The following FOXJ2 variants were observed in gnomAD, a reference collection of about 807,000 sequenced individuals.
FOXJ2 encodes the protein forkhead box protein J2.
Under a neutral mutation model 68.4 loss-of-function variants are expected in FOXJ2, and 18 were observed. That is an observed-to-expected ratio of 0.26 (90% confidence interval 0.18 to 0.39). FOXJ2 has a LOEUF of 0.39. Among genes scored for constraint, FOXJ2 ranks in the 10% least tolerant of loss-of-function variants. The pLI, the probability that FOXJ2 is intolerant of heterozygous loss-of-function variation, is 1.00. For synonymous variants in FOXJ2, 274 were observed against 263.2 expected (o/e 1.04, Z -0.40); for missense variants, 670 against 726.5 (o/e 0.92, Z 0.89).
intron 8 of FOXJ2, 135 bp from the exon 9 acceptor site, chr12:8,049,227 A>G (rs754931797): frequency 4.3e-6 from 3 of 692,544 alleles, no homozygotes; most frequent in Admixed American, 2.6e-5. Flanking sequence ...GCTCTGAAAG[A>G]TATAAATTGT....
At chr12:8,052,640 A>G (rs958834094) in intron 10 of FOXJ2, 122 bp from the exon 11 acceptor site, 1 of 729,268 alleles carries the variant, frequency 1.4e-6, no homozygotes, top group Non-Finnish European at 2.3e-6. Context: ...TCCAGCTGAT[A>G]AGGGCGATAG....
Position 8,048,168 on chromosome 12 carries a change from C to T in FOXJ2, c.1104C>T (p.Pro368=). The T allele has an allele frequency of 6.2e-7, 1 of 1,613,946 alleles. No homozygotes were observed. The highest frequency in any genetic ancestry group is 8.5e-7 in the Non-Finnish European group (1 of 1,179,938). ...GPPPVMAMHP[P]PLQHGGYHPH... is the part of the protein sequence containing the mutation. ...CCCCTGTAATGGCCATGCATCCACC[C>T]CCGCTGCAGCATGGAGGCTACCACC... is the stretch of plus-strand genomic sequence containing the variant. The change falls in exon 7 of 11, where the codon CCC becomes CCT. Residue 368 remains proline (P), a synonymous_variant. Coordinates refer to ENST00000162391, the MANE Select transcript of FOXJ2 (RefSeq NM_018416.3).
intron 3 of FOXJ2, 149 bp downstream of exon 3, chr12:8,042,881 G>T: frequency 1.4e-6 from 1 of 705,602 alleles, no homozygotes; most frequent in Admixed American, 2.6e-5. Context: ...GAGGAAGCTT[G>T]GTTGTCAAGC....
At chr12:8,036,635 T>C (rs1324742783) in intron 1 of FOXJ2, among the ~76,000 whole-genome samples, 4 of 152,382 alleles carry the variant, frequency 2.6e-5, no homozygotes, top group Non-Finnish European at 2.9e-5. Context: ...GCCTTTCTAA[T>C]AATAGCCCTG....
Position 8,035,169 on chromosome 12 carries a change from T to C in FOXJ2, c.-15+1336T>C, listed in dbSNP as rs1314171556. ...CAACATGCATATACTTCTTAATTCATGTGAATGTGGCTCTCTGTTTCAAGT... is the reference window on the plus strand; with the variant it reads ...CAACATGCATATACTTCTTAATTCACGTGAATGTGGCTCTCTGTTTCAAGT... On this transcript the variant is annotated intron_variant, in intron 1 of 10. Transcript: ENST00000162391. This position sits in a 1 kb window ranked among gnomAD's most constrained non-coding sequence, Gnocchi z 4.0. 6.6e-6 allele frequency among the ~76,000 whole-genome samples: 1 copy of C among 152,216 alleles called. No homozygotes were observed. The highest frequency in any genetic ancestry group is 1.5e-5 in the Non-Finnish European group (1 of 68,038).
rs1425045777 is a variant in FOXJ2 at position 8,050,260 on chromosome 12, G to A, written c.1538-262G>A. On this transcript the variant is annotated intron_variant, in intron 9 of 10. Transcript: ENST00000162391. ...CAAAGTGTTGGGATTACAGGCATGA[G>A]CCACCATACCTGGCCCTGTGTTTCT... 3.6e-6 allele frequency: 4 copies of A among 1,119,104 alleles called. No individual in the cohort carries two copies. The African/African-American group carries it at 4.9e-5, about 14-fold the overall frequency. The allele number at this position is 1,119,104 out of a possible 1,614,324, so 69.3% of individuals were successfully genotyped here.
At chr12:8,046,047 A>G (rs1193398659) in intron 6 of FOXJ2, among the ~76,000 whole-genome samples, 1 of 152,236 alleles carries the variant, frequency 6.6e-6, no homozygotes, top group African/African-American at 2.4e-5. Context: ...AAGTGAGCTC[A>G]TCTGTCCTTG....
At chr12:8,047,782 A>G (rs1947057692) in intron 6 of FOXJ2, 100 bp from the exon 7 acceptor site, 1 of 1,428,374 alleles carries the variant, frequency 7.0e-7, no homozygotes. Context: ...TTTTAACTCC[A>G]CAGTTTTAGT....
chr12:8,050,871 TCCCTTC>T (rs1565631443), intron 10 of FOXJ2, among the ~76,000 whole-genome samples: 4 of 80,866 alleles, frequency 4.9e-5, no homozygotes, highest in Non-Finnish European at 9.7e-5. Flanking sequence ...CCCTTCCCCT[TCCCTTC>T]CCCTTCCCTT....
In FOXJ2 at chr12:8,047,933, A is replaced by ATCAGCAGCAGCAGCCACCGCCACC. The variant is rs781390887; in HGVS notation, c.873_896dup (p.Pro295_Gln302dup). On this transcript the variant is annotated inframe_insertion, in exon 7 of 11. Coordinates refer to ENST00000162391, the MANE Select transcript of FOXJ2 (RefSeq NM_018416.3). ...CCACCCTCGAACAACTACTACATGT[A>ATCAGCAGCAGCAGCCACCGCCACC]TCAGCAGCAGCAGCCACCGCCACCT... is the stretch of plus-strand genomic sequence containing the variant. 2 of 1,612,750 alleles carry ATCAGCAGCAGCAGCCACCGCCACC rather than the reference A, an allele frequency of 1.2e-6. No homozygotes were observed. The highest frequency in any genetic ancestry group is 4.5e-5 in the East Asian group (2 of 44,880).
chr12:8,044,214 G>A (rs1196286481), intron 5 of FOXJ2, 123 bp downstream of exon 5: 10 of 1,197,212 alleles, frequency 8.4e-6, no homozygotes, highest in Non-Finnish European at 1.1e-5. Context: ...TGAGAAGGAA[G>A]GGGAAGGCAA....
At position 8,040,790 on chromosome 12, in the gene FOXJ2, A is replaced by G. The variant is rs1565628007; in HGVS notation, c.333+625A>G. Among the ~76,000 whole-genome samples the G allele has an allele frequency of 1.3e-5, 2 of 152,128 alleles. No individual in the cohort carries two copies. The highest frequency in any genetic ancestry group is 4.1e-4 in the South Asian group (2 of 4,830). On this transcript the variant is annotated intron_variant, in intron 2 of 10. Coordinates refer to ENST00000162391, the MANE Select transcript of FOXJ2 (RefSeq NM_018416.3). This position sits in a 1 kb window ranked among gnomAD's most constrained non-coding sequence, Gnocchi z 4.0. ...TTTCACAAATGTTTATTGCCATTCT[A>G]CGATGTTCCAGTCACTGTGCAAGGC...
chr12:8,054,631 A>T lies in FOXJ2; in HGVS notation c.*1781A>T, dbSNP rs1344857921. The T allele has an allele frequency of 6.6e-6, 1 of 152,624 alleles. No homozygotes were observed. Among genetic ancestry groups the T allele is most frequent in the East Asian group, 1.9e-4 (1 of 5,192 alleles). 9.5% of individuals were successfully genotyped at this position (152,624 alleles called of 1,614,324 possible). On this transcript the variant is annotated 3_prime_UTR_variant, in exon 11 of 11. Coordinates refer to ENST00000162391, the MANE Select transcript of FOXJ2 (RefSeq NM_018416.3). The stretch of plus-strand genomic sequence containing the variant: ...ACTTTATTTCTTTGAAGCCTTTCTA[A>T]GAAAGAAATGGGGGTGCGAGTGGCT...
At chr12:8,034,112 C>T (rs953848395) in intron 1 of FOXJ2, among the ~76,000 whole-genome samples, 1 of 152,138 alleles carries the variant, frequency 6.6e-6, no homozygotes, top group African/African-American at 2.4e-5. Flanking sequence ...AAAGGGTTAT[C>T]GGAAAACAGC....
chr12:8,032,724 G>GCCGAGCCGAGCCCGAGC lies in FOXJ2; in HGVS notation c.-1120_-1104dup. 2 of 392,710 alleles carry GCCGAGCCGAGCCCGAGC rather than the reference G, an allele frequency of 5.1e-6. No homozygotes were observed. The highest frequency in any genetic ancestry group is 9.0e-6 in the Non-Finnish European group (2 of 222,342). 24.3% of individuals were successfully genotyped at this position (392,710 alleles called of 1,614,324 possible). Reference sequence around the variant, plus strand: ...GGGAGGAGCCGGGGCCTGCAGCGGAGCCGAGCCGAGCCCGAGCCCGCGCCG... The same window carrying GCCGAGCCGAGCCCGAGC: ...GGGAGGAGCCGGGGCCTGCAGCGGAGCCGAGCCGAGCCCGAGCCCGAGCCGAGCCCGAGCCCGCGCCG... On this transcript the variant is annotated 5_prime_UTR_variant, in exon 1 of 11. Transcript: ENST00000162391. This position sits in a 1 kb window ranked among gnomAD's most constrained non-coding sequence, Gnocchi z 4.8.
In FOXJ2 at chr12:8,042,697, C is replaced by A; in HGVS notation, c.373C>A (p.Arg125=). ...CAACCTTTCTCTCAACAAGTGTTTC[C>A]GGAAGGTGCCCAGACCTCGGGATGA... is the stretch of plus-strand genomic sequence containing the variant. ...RHNLSLNKCF[R]KVPRPRDDPG... Residue 125 remains arginine (R), a synonymous_variant, in exon 3 of 11, where the codon CGG becomes AGG. Transcript: ENST00000162391. The A allele has an allele frequency of 6.2e-7, 1 of 1,614,140 alleles. No individual in the cohort carries two copies. The highest frequency in any genetic ancestry group is 8.5e-7 in the Non-Finnish European group (1 of 1,180,030).
Position 8,033,131 on chromosome 12 carries a change from G to A in FOXJ2, c.-717G>A, listed in dbSNP as rs1946856642. 1 of 361,670 alleles carries A rather than the reference G, an allele frequency of 2.8e-6. No homozygotes were observed. The highest frequency in any genetic ancestry group is 4.9e-6 in the Non-Finnish European group (1 of 203,092). 22.4% of individuals were successfully genotyped at this position (361,670 alleles called of 1,614,324 possible). A position where few individuals can be genotyped will look rare whatever the true frequency, so the allele number is the denominator to read the frequency against. On this transcript the variant is annotated 5_prime_UTR_variant, in exon 1 of 11. Transcript: ENST00000162391. ...CTGCCTAGAGGCGAGGAAGACCCCT[G>A]TACTGGCCGGGGAGGAGACCCCCAG...
chr12:8,041,984 T>A (rs746685169), intron 2 of FOXJ2, among the ~76,000 whole-genome samples: 7 of 151,630 alleles, frequency 4.6e-5, no homozygotes, highest in Non-Finnish European at 8.8e-5. Flanking sequence ...TTCAAGCGAT[T>A]CTCCTGTCTC....
intron 10 of FOXJ2, 41 bp downstream of exon 10, chr12:8,050,661 A>G (rs1328246353): frequency 1.2e-6 from 2 of 1,609,056 alleles, no homozygotes; most frequent in Non-Finnish European, 1.7e-6. Context: ...TTGTACTCTG[A>G]TGAGTTGCTT....
Sources: gnomAD v4.1 joint callset for allele counts (sites outside exome capture counted in the v4.1 genomes callset) on GRCh38, gnomAD v4.1.1 for gene constraint, Gnocchi (gnomAD v3.1) non-coding constraint, MANE v1.5 for transcripts, NCBI Gene and HGNC (gene_info 2026-07-23, HGNC 2026-07-21) for gene names.